The following UBR1 variants were observed in gnomAD, a reference collection of about 807,000 sequenced individuals.
The protein encoded by UBR1 is E3 ubiquitin-protein ligase UBR1.
In UBR1, 102 loss-of-function variants were observed where a neutral mutation model predicts 242.1. That is an observed-to-expected ratio of 0.42 (90% confidence interval 0.36 to 0.50). The LOEUF is 0.50. Ranked by LOEUF, UBR1 falls within the 20% of genes least tolerant of loss-of-function variation. UBR1 has a pLI of 0.01. For synonymous variants in UBR1, 675 were observed against 684.8 expected, an observed-to-expected ratio of 0.99 and a Z score of 0.22; for missense variants, 1,772 against 2,101.8, an observed-to-expected ratio of 0.84 and a Z score of 3.07.
intron 40 of UBR1, among the ~76,000 whole-genome samples, chr15:42,968,039 T>C (rs2032140819): frequency 6.6e-6 from 1 of 151,994 alleles, no homozygotes. Context: ...CAAATGCCAA[T>C]GTATTTTCCA....
rs115273293 is a variant in UBR1 at position 43,046,284 on chromosome 15, T to G, written c.1668+877A>C. 5.4e-3 allele frequency among the ~76,000 whole-genome samples: 823 copies of G among 152,328 alleles called. 9 individuals are homozygous for G. The highest frequency in any genetic ancestry group is 0.019 in the African/African-American group (783 of 41,574). ...AGTGCTAGATTAAAGTCTACTACAT[T>G]TGTGAGTATGGCTGCCACTCTGAAC... On this transcript the variant is annotated intron_variant, in intron 14 of 46. Coordinates refer to ENST00000290650, the MANE Select transcript of UBR1 (RefSeq NM_174916.3).
chr15:43,025,436 A>C lies in UBR1; in HGVS notation c.2536-7T>G. 3.8e-6 allele frequency: 6 copies of C among 1,597,990 alleles called. No homozygotes were observed. Among genetic ancestry groups the C allele is most frequent in the African/African-American group, 2.7e-5 (2 of 74,828 alleles). On this transcript the variant is annotated splice_region_variant and splice_polypyrimidine_tract_variant and intron_variant, in intron 23 of 46. Coordinates refer to ENST00000290650, the MANE Select transcript of UBR1 (RefSeq NM_174916.3). ...TCTTCTGCATATGTTCAGCCTATAA[A>C]AAAATCTATCATTAAATATACTGCT...
intron 1 of UBR1, among the ~76,000 whole-genome samples, chr15:43,094,300 T>C (rs1263716626): frequency 1.3e-5 from 2 of 151,918 alleles, no homozygotes; most frequent in Non-Finnish European, 2.9e-5. Context: ...GGTGTGGTGG[T>C]GCACGCCTGT....
intron 3 of UBR1, among the ~76,000 whole-genome samples, chr15:43,076,718 G>A (rs1437757016): frequency 1.4e-5 from 2 of 143,822 alleles, no homozygotes; most frequent in Non-Finnish European, 3.1e-5. Context: ...CAGCCACCCC[G>A]TCTGGGAAGT....
intron 10 of UBR1, 136 bp downstream of exon 10, chr15:43,058,205 G>C: frequency 1.4e-6 from 1 of 698,170 alleles, no homozygotes. Flanking sequence ...CCAACCCGCA[G>C]GGCCAAGAAC....
chr15:43,050,893 T>A (rs2033546879), intron 12 of UBR1, among the ~76,000 whole-genome samples: 1 of 152,058 alleles, frequency 6.6e-6, no homozygotes, highest in Admixed American at 6.6e-5. Flanking sequence ...CTCACACTAG[T>A]CACAATGGCT....
At chr15:43,040,413 C>A (rs938996919) in intron 15 of UBR1, among the ~76,000 whole-genome samples, 3 of 152,170 alleles carry the variant, frequency 2.0e-5, no homozygotes, top group Non-Finnish European at 4.4e-5. Context: ...AAAGTTGAAA[C>A]TGGATCCCTT....
chr15:43,071,014 T>C, intron 4 of UBR1, 89 bp from the exon 5 acceptor site: 2 of 1,518,100 alleles, frequency 1.3e-6, no homozygotes, highest in South Asian at 1.1e-5. Context: ...ATAATCACTT[T>C]GCTGAATTCA....
intron 4 of UBR1, among the ~76,000 whole-genome samples, chr15:43,071,712 G>A (rs553247031): frequency 6.6e-6 from 1 of 152,036 alleles, no homozygotes; most frequent in Non-Finnish European, 1.5e-5. Flanking sequence ...TGGGTCTTTT[G>A]ACTCCCACAA....
At position 42,950,350 on chromosome 15, in the gene UBR1, G is replaced by A. The variant is rs1206778631; in HGVS notation, c.5020C>T (p.Arg1674Ter). The change falls in exon 46 of 47, where the codon CGA becomes TGA. Residue 1674 changes from arginine to a stop codon, truncating the protein, a stop_gained. Transcript: ENST00000290650. LOFTEE classifies it high-confidence loss of function. ...GCTTTACCTTCAACCAGGACCACTC[G>A]GCATTCTCTGATTCTGAAAGAGAAA... ...VCIFLKIREC[R>*]VVLVEGKARG... The A allele has an allele frequency of 1.2e-6, 2 of 1,614,032 alleles. No homozygotes were observed. The highest frequency in any genetic ancestry group is 8.5e-7 in the Non-Finnish European group (1 of 1,179,950).
At chr15:42,979,698 C>T (rs1033809440) in intron 37 of UBR1, among the ~76,000 whole-genome samples, 2 of 152,066 alleles carry the variant, frequency 1.3e-5, no homozygotes, top group Admixed American at 6.5e-5. Flanking sequence ...TTACAGGCAC[C>T]TGCCACAATG....
chr15:43,095,699 GT>G lies in UBR1; in HGVS notation c.82-9460del, dbSNP rs369043431. ...GGCATTAGAGGTCTTAATATTTTGTGTTAGGTCATCTGAGGCAAGGGGTTAA... is the reference window on the plus strand; with the variant it reads ...GGCATTAGAGGTCTTAATATTTTGTGTAGGTCATCTGAGGCAAGGGGTTAA... On this transcript the variant is annotated intron_variant, in intron 1 of 46. Coordinates refer to ENST00000290650, the MANE Select transcript of UBR1 (RefSeq NM_174916.3). 1.2e-3 allele frequency among the ~76,000 whole-genome samples: 184 copies of G among 152,324 alleles called. 1 individual carries two copies. Among genetic ancestry groups the G allele is most frequent in the African/African-American group, 4.3e-3 (179 of 41,566 alleles).
intron 20 of UBR1, 92 bp from the exon 21 acceptor site, chr15:43,030,160 G>T (rs1258465060): frequency 2.2e-6 from 3 of 1,386,942 alleles, no homozygotes; most frequent in African/African-American, 2.9e-5. Flanking sequence ...ACAGAACACT[G>T]CATTAAATTA....
At chr15:43,004,843 G>A (rs181802720) in intron 30 of UBR1, among the ~76,000 whole-genome samples, 45 of 145,350 alleles carry the variant, frequency 3.1e-4, no homozygotes, top group South Asian at 2.2e-3. Context: ...GCCGCCCATC[G>A]TCTGGGATGT....
At chr15:42,994,504 CTTAT>C (rs1447353370) in intron 33 of UBR1, among the ~76,000 whole-genome samples, 2 of 151,734 alleles carry the variant, frequency 1.3e-5, no homozygotes, top group African/African-American at 4.8e-5. Flanking sequence ...TCTCTAAGTC[CTTAT>C]TTATTAGGAT....
intron 6 of UBR1, among the ~76,000 whole-genome samples, chr15:43,067,229 T>C (rs2033765449): frequency 6.6e-6 from 1 of 152,214 alleles, no homozygotes; most frequent in Non-Finnish European, 1.5e-5. Flanking sequence ...CCTTTTGTTT[T>C]TTTTTGACTC....
chr15:43,053,962 A>T (rs573497879), intron 12 of UBR1, among the ~76,000 whole-genome samples: 4 of 151,876 alleles, frequency 2.6e-5, no homozygotes, highest in South Asian at 4.1e-4. Context: ...GGCAATTTTT[A>T]AAAAATGGAG....
rs1200676814 is a variant in UBR1, at chr15:43,086,239, C to A, written c.83G>T (p.Trp28Leu). The A allele has an allele frequency of 6.2e-7, 1 of 1,613,678 alleles. No homozygotes were observed. Among genetic ancestry groups the A allele is most frequent in the South Asian group, 1.1e-5 (1 of 91,052 alleles). The change falls in exon 2 of 47, where the codon TGG becomes TTG. Residue 28 changes from tryptophan to leucine, a missense_variant and splice_region_variant. Transcript: ENST00000290650. ...ATAAAAATCAACTTGCTGATCCCACCACTAAAAGAAAAGAAGATGAAAATT... is the reference window on the plus strand; with the variant it reads ...ATAAAAATCAACTTGCTGATCCCACAACTAAAAGAAAAGAAGATGAAAATT... ...LPQTPQRLAS[W>L]WDQQVDFYTA...
At chr15:43,028,617 C>T (rs530427237) in intron 21 of UBR1, among the ~76,000 whole-genome samples, 9 of 151,126 alleles carry the variant, frequency 6.0e-5, no homozygotes, top group African/African-American at 1.2e-4. Context: ...TGGTGGTGCG[C>T]GCCTGTAGTC....
Sources: allele counts gnomAD v4.1 joint callset (sites outside exome capture counted in the v4.1 genomes callset), GRCh38; gene constraint gnomAD v4.1.1; transcripts MANE v1.5; gene names NCBI Gene and HGNC (gene_info 2026-07-23, HGNC 2026-07-21).